The following CMTM7 variants were observed in gnomAD, a reference collection of about 807,000 sequenced individuals.
The protein encoded by CMTM7 is CKLF-like MARVEL transmembrane domain-containing protein 7.
CMTM7 carries 7 observed loss-of-function variants against 19.3 expected under a neutral mutation model. The ratio of observed to expected loss-of-function variants is 0.36; its 90% confidence interval spans 0.21 to 0.68. The LOEUF (loss-of-function observed/expected upper bound fraction) is 0.68. Ranked by LOEUF, CMTM7 falls within the 30% of genes least tolerant of loss-of-function variation. CMTM7 has a pLI of 0.60. For synonymous variants in CMTM7, 87 were observed against 99.3 expected, an observed-to-expected ratio of 0.88 and a Z score of 0.74; for missense variants, 193 against 232.6, an observed-to-expected ratio of 0.83 and a Z score of 1.11.
chr3:32,414,786 G>A (rs1171104163), intron 1 of CMTM7, among the ~76,000 whole-genome samples: 1 of 152,220 alleles, frequency 6.6e-6, no homozygotes, highest in Non-Finnish European at 1.5e-5. Flanking sequence ...GGCAGAGCAT[G>A]TGATGCATGC....
intron 1 of CMTM7, among the ~76,000 whole-genome samples, chr3:32,396,882 C>A (rs1210511917): frequency 6.6e-6 from 1 of 152,220 alleles, no homozygotes; most frequent in Non-Finnish European, 1.5e-5. Context: ...TAAGGAGACC[C>A]CAGGATGGGG....
rs1445595900 is a variant in CMTM7 at position 32,402,365 on chromosome 3, G to A, written c.159+10300G>A. On this transcript the variant is annotated intron_variant, in intron 1 of 4. Coordinates refer to ENST00000334983, the MANE Select transcript of CMTM7 (RefSeq NM_138410.4). ...GACCTCAAGTGATCCACCCGCCTTG[G>A]CCTCCCAAAGTGCTGGGATTACAGG... Among the ~76,000 whole-genome samples, 3 of 152,118 alleles carry A rather than the reference G, an allele frequency of 2.0e-5. No homozygotes were observed. The East Asian group carries it at 5.8e-4, about 29-fold the overall frequency.
chr3:32,447,695 A>G (rs954775516), intron 2 of CMTM7, among the ~76,000 whole-genome samples: 3 of 152,020 alleles, frequency 2.0e-5, no homozygotes, highest in Admixed American at 2.0e-4. Context: ...CTTTATTTCT[A>G]GTAACTTTTT....
At chr3:32,401,795 G>A (rs1379579506) in intron 1 of CMTM7, among the ~76,000 whole-genome samples, 5 of 152,226 alleles carry the variant, frequency 3.3e-5, no homozygotes. Flanking sequence ...CGCGGCGTCC[G>A]CGGCGACTCC....
intron 1 of CMTM7, among the ~76,000 whole-genome samples, chr3:32,435,264 C>T (rs544928055): frequency 1.3e-5 from 2 of 152,146 alleles, no homozygotes; most frequent in Admixed American, 6.5e-5. Context: ...ATTAGCCGGG[C>T]GTGGTGGTGC....
chr3:32,436,109 C>G (rs554763843), intron 1 of CMTM7, among the ~76,000 whole-genome samples: 2 of 152,302 alleles, frequency 1.3e-5, no homozygotes, highest in Admixed American at 1.3e-4. Context: ...GAGCTCAGGA[C>G]CCCGGACATA....
At chr3:32,415,177 G>A (rs1696241702) in intron 1 of CMTM7, among the ~76,000 whole-genome samples, 1 of 151,908 alleles carries the variant, frequency 6.6e-6, no homozygotes, top group South Asian at 2.1e-4. Context: ...CTGGGTGACA[G>A]AGCAAGACTC....
chr3:32,447,006 T>A (rs1268869836), intron 2 of CMTM7, among the ~76,000 whole-genome samples: 1 of 152,164 alleles, frequency 6.6e-6, no homozygotes, highest in African/African-American at 2.4e-5. Context: ...ATGTGGAAGG[T>A]CATCATCTAA....
chr3:32,412,695 A>G lies in CMTM7; in HGVS notation c.159+20630A>G, dbSNP rs943420831. ...TATAATTAAATCTGAAAGTTATTTG[A>G]AACAACTAAATTCACCCATGCGCCC... is the stretch of plus-strand genomic sequence containing the variant. On this transcript the variant is annotated intron_variant, in intron 1 of 4. Transcript: ENST00000334983. Among the ~76,000 whole-genome samples, 9 of 152,110 alleles carry G rather than the reference A, an allele frequency of 5.9e-5. No individual in the cohort carries two copies. In the East Asian group the frequency reaches 1.5e-3, roughly 26 times the overall value.
rs115514341 is a variant in CMTM7 at position 32,430,394 on chromosome 3, C to T, written c.160-11446C>T. ...AAAATCACATGTGTTCAGGGCTGCT[C>T]CCTATTACAAACCCCAGAGAGCCTG... On this transcript the variant is annotated intron_variant, in intron 1 of 4. Coordinates refer to ENST00000334983, the MANE Select transcript of CMTM7 (RefSeq NM_138410.4). 4.3e-3 allele frequency among the ~76,000 whole-genome samples: 653 copies of T among 152,242 alleles called. 4 individuals carry two copies. Among genetic ancestry groups the T allele is most frequent in the African/African-American group, 0.015 (620 of 41,536 alleles).
intron 1 of CMTM7, among the ~76,000 whole-genome samples, chr3:32,399,021 TG>T (rs1380905211): frequency 3.3e-5 from 5 of 151,956 alleles, no homozygotes; most frequent in African/African-American, 9.7e-5. Flanking sequence ...GGACCCTGGC[TG>T]TTAGTGGAGG....
chr3:32,454,495 GC>G lies in CMTM7; in HGVS notation c.*243del, dbSNP rs1411689146. ...CCTCCCATTCTGGGAAAGGAAAGCA[GC>G]CTCCAGGGAAATGTTTTCTGCCTTC... On this transcript the variant is annotated 3_prime_UTR_variant, in exon 5 of 5. Transcript: ENST00000334983. 2.9e-6 allele frequency: 2 copies of G among 695,892 alleles called. No individual in the cohort carries two copies. Among genetic ancestry groups the G allele is most frequent in the Admixed American group, 4.0e-5 (2 of 49,732 alleles). 43.1% of individuals were successfully genotyped at this position (695,892 alleles called of 1,614,324 possible). A position where few individuals can be genotyped will look rare whatever the true frequency, so the allele number is the denominator to read the frequency against.
intron 1 of CMTM7, among the ~76,000 whole-genome samples, chr3:32,421,522 G>A (rs1416787316): frequency 6.6e-6 from 1 of 152,142 alleles, no homozygotes; most frequent in African/African-American, 2.4e-5. Flanking sequence ...CCACACCAGG[G>A]CCATGTCTGC....
chr3:32,430,543 T>C (rs1017640357), intron 1 of CMTM7, among the ~76,000 whole-genome samples: 3 of 152,090 alleles, frequency 2.0e-5, no homozygotes, highest in Admixed American at 2.0e-4. Flanking sequence ...ATCCATGTAG[T>C]CTCTGCTGTG....
At chr3:32,402,205 G>T (rs1053497395) in intron 1 of CMTM7, among the ~76,000 whole-genome samples, 3 of 152,036 alleles carry the variant, frequency 2.0e-5, no homozygotes, top group Non-Finnish European at 4.4e-5. Flanking sequence ...TCCTCCTCCC[G>T]GGTTAAAATG....
chr3:32,429,835 G>A (rs1392243843), intron 1 of CMTM7, among the ~76,000 whole-genome samples: 4 of 152,174 alleles, frequency 2.6e-5, no homozygotes, highest in South Asian at 2.1e-4. Flanking sequence ...TCCTGACCTT[G>A]TGATCCACCC....
intron 1 of CMTM7, among the ~76,000 whole-genome samples, chr3:32,436,197 G>A (rs1696595080): frequency 6.6e-6 from 1 of 152,192 alleles, no homozygotes; most frequent in South Asian, 2.1e-4. Flanking sequence ...ATGTGCTGGG[G>A]GGAATAGGAG....
intron 1 of CMTM7, among the ~76,000 whole-genome samples, chr3:32,392,968 G>C (rs1316948686): frequency 6.6e-6 from 1 of 152,174 alleles, no homozygotes; most frequent in Non-Finnish European, 1.5e-5. Flanking sequence ...TTGAAACTGG[G>C]TTGGGCTGTT....
chr3:32,424,075 G>A (rs1696387238), intron 1 of CMTM7, among the ~76,000 whole-genome samples: 1 of 152,188 alleles, frequency 6.6e-6, no homozygotes, highest in Non-Finnish European at 1.5e-5. Context: ...TCCAGACAGG[G>A]CGCAGTGGAG....
Sources: allele counts gnomAD v4.1 joint callset (sites outside exome capture counted in the v4.1 genomes callset), GRCh38; gene constraint gnomAD v4.1.1; transcripts MANE v1.5; gene names NCBI Gene and HGNC (gene_info 2026-07-23, HGNC 2026-07-21).